Variants in ARHGEF7 observed in about 807,000 individuals in gnomAD.
ARHGEF7 encodes the protein Rho guanine nucleotide exchange factor 7.
A neutral mutation model predicts 109.8 loss-of-function variants in ARHGEF7; 33 were observed. The ratio of observed to expected loss-of-function variants is 0.30; its 90% CI spans 0.23 to 0.40. ARHGEF7 has a LOEUF of 0.40. Among genes scored for constraint, ARHGEF7 ranks in the 10% least tolerant of loss-of-function variants. The pLI, the probability that ARHGEF7 is intolerant of heterozygous loss-of-function variation, is 1.00. For synonymous variants in ARHGEF7, 458 were observed against 424.6 expected, an observed-to-expected ratio of 1.08 and a Z score of -0.97; for missense variants, 938 against 1,098.5, an observed-to-expected ratio of 0.85 and a Z score of 2.07.
intron 1 of ARHGEF7, among the ~76,000 whole-genome samples, chr13:111,135,916 G>A (rs938413734): frequency 8.5e-5 from 13 of 152,258 alleles, no homozygotes; most frequent in Admixed American, 3.9e-4. Context: ...CATTCAGTAT[G>A]ATATTGGCTG....
chr13:111,246,564 T>C (rs1004913793), intron 8 of ARHGEF7, among the ~76,000 whole-genome samples: 24 of 152,230 alleles, frequency 1.6e-4, no homozygotes, highest in African/African-American at 5.8e-4. Context: ...TTAGAAACCG[T>C]AAGTGAATAT....
chr13:111,124,552 G>C (rs1460724172), intron 1 of ARHGEF7, among the ~76,000 whole-genome samples: 1 of 152,168 alleles, frequency 6.6e-6, no homozygotes, highest in Non-Finnish European at 1.5e-5. Flanking sequence ...TGCAAGGATG[G>C]CAAGAGGGGT....
chr13:111,236,173 C>T (rs566423004), intron 6 of ARHGEF7, among the ~76,000 whole-genome samples: 2 of 152,186 alleles, frequency 1.3e-5, no homozygotes, highest in Admixed American at 1.3e-4. Flanking sequence ...TCTGGGACTC[C>T]TGTGGTGCAA....
intron 8 of ARHGEF7, among the ~76,000 whole-genome samples, chr13:111,247,153 T>G (rs968504982): frequency 2.0e-5 from 3 of 152,244 alleles, no homozygotes; most frequent in African/African-American, 7.2e-5. Context: ...ATGAATATTC[T>G]GAAATTTTCA....
Position 111,220,644 on chromosome 13 carries a change from C to T in ARHGEF7, c.670+2764C>T, listed in dbSNP as rs78556376. ...CCCCTGATAGCCCACAGGAAGGCAT[C>T]GTGAGCCCCCGCTTTTGAGTGGACT... On this transcript the variant is annotated intron_variant, in intron 5 of 21. Coordinates refer to ENST00000646102, the MANE Select transcript of ARHGEF7 (RefSeq NM_001354046.2). Among the ~76,000 whole-genome samples, 408 of 152,238 alleles carry T rather than the reference C, an allele frequency of 2.7e-3. 1 individual carries two copies. The highest frequency in any genetic ancestry group is 9.3e-3 in the African/African-American group (387 of 41,528).
At chr13:111,165,830 A>G (rs746976334) in intron 2 of ARHGEF7, among the ~76,000 whole-genome samples, 6 of 152,206 alleles carry the variant, frequency 3.9e-5, no homozygotes, top group Non-Finnish European at 8.8e-5. Flanking sequence ...GTAAGTTCTC[A>G]TGAGACTCAA....
chr13:111,231,417 A>T (rs1364229677), intron 5 of ARHGEF7, among the ~76,000 whole-genome samples: 1 of 150,110 alleles, frequency 6.7e-6, no homozygotes, highest in Non-Finnish European at 1.5e-5. Flanking sequence ...TTGCAGCGGC[A>T]CCTTATTTTG....
chr13:111,287,038 C>G (rs2093048210), intron 17 of ARHGEF7, among the ~76,000 whole-genome samples: 1 of 152,238 alleles, frequency 6.6e-6, no homozygotes, highest in Non-Finnish European at 1.5e-5. Flanking sequence ...GGCCCAGCAG[C>G]CGTCCCACAC....
intron 2 of ARHGEF7, among the ~76,000 whole-genome samples, chr13:111,175,534 G>A: frequency 6.6e-6 from 1 of 152,196 alleles, no homozygotes. Flanking sequence ...CCTGCTGCAG[G>A]CTGGAGCCTG....
At chr13:111,267,273 C>T (rs1484083897) in intron 8 of ARHGEF7, among the ~76,000 whole-genome samples, 1 of 152,228 alleles carries the variant, frequency 6.6e-6, no homozygotes, top group Non-Finnish European at 1.5e-5. Flanking sequence ...CTGTTTTTCT[C>T]ACTGCCCAAA....
chr13:111,133,797 AT>A (rs1566606879), intron 1 of ARHGEF7, among the ~76,000 whole-genome samples: 3,340 of 40,256 alleles, frequency 0.083, 384 homozygotes, highest in African/African-American at 0.15. Flanking sequence ...ATATATATAT[AT>A]ATATATATAT....
chr13:111,126,476 C>T (rs559158935), intron 1 of ARHGEF7, among the ~76,000 whole-genome samples: 16 of 146,348 alleles, frequency 1.1e-4, no homozygotes, highest in African/African-American at 2.8e-4. Context: ...GGCAGCTGAG[C>T]GAGACTCCAT....
intron 2 of ARHGEF7, among the ~76,000 whole-genome samples, chr13:111,198,010 C>T (rs1361958529): frequency 6.6e-6 from 1 of 152,066 alleles, no homozygotes; most frequent in African/African-American, 2.4e-5. Context: ...ACAGGGTCAA[C>T]CAGCTTGTTG....
chr13:111,277,641 G>A lies in ARHGEF7; in HGVS notation c.1474G>A (p.Ala492Thr), dbSNP rs1381651615. Residue 492 changes from alanine to threonine, a missense_variant, in exon 13 of 22, where the codon GCC becomes ACC. Ala to Thr is a moderately conservative substitution (Grantham distance 58). Transcript: ENST00000646102. ...CCCAAATGTTTTGCTAATGTTGTCTGCCAGTCCTAGGATGAGTGGCTTTAT... is the reference window on the plus strand; with the variant it reads ...CCCAAATGTTTTGCTAATGTTGTCTACCAGTCCTAGGATGAGTGGCTTTAT... ...LFPNVLLMLS[A>T]SPRMSGFIYQ... 7 of 1,606,508 alleles carry A rather than the reference G, an allele frequency of 4.4e-6. No individual in the cohort carries two copies. The East Asian group carries it at 1.6e-4, about 36-fold the overall frequency.
Position 111,273,665 on chromosome 13 carries a change from C to A in ARHGEF7, c.1074-149C>A. ...CCCTTTGGCATTTCCAGATAAGCAG[C>A]GCAGATTTGGGATAAAAGCTGGAGC... On this transcript the variant is annotated intron_variant, in intron 9 of 21. Coordinates refer to ENST00000646102, the MANE Select transcript of ARHGEF7 (RefSeq NM_001354046.2). The surrounding 1 kb of genome is among the most constrained non-coding windows in gnomAD (Gnocchi z 4.5). 1 of 1,080,756 alleles carries A rather than the reference C, an allele frequency of 9.3e-7. No individual in the cohort carries two copies. The highest frequency in any genetic ancestry group is 1.3e-6 in the Non-Finnish European group (1 of 749,334). The allele number at this position is 1,080,756 out of a possible 1,614,324, so 66.9% of individuals were successfully genotyped here.
At chr13:111,261,275 A>G (rs2091063248) in intron 8 of ARHGEF7, among the ~76,000 whole-genome samples, 1 of 152,224 alleles carries the variant, frequency 6.6e-6, no homozygotes, top group East Asian at 1.9e-4. Context: ...AAGGAATGGA[A>G]AAAGATACTC....
intron 2 of ARHGEF7, among the ~76,000 whole-genome samples, chr13:111,182,942 A>G (rs1350158119): frequency 6.6e-6 from 1 of 152,178 alleles, no homozygotes; most frequent in African/African-American, 2.4e-5. Flanking sequence ...GTGTGAGATG[A>G]TTTTGCCCAA....
chr13:111,217,602 A>G (rs376373165), intron 4 of ARHGEF7, 77 bp from the exon 5 acceptor site: 2 of 1,330,916 alleles, frequency 1.5e-6, no homozygotes, highest in South Asian at 1.2e-5. Context: ...CCTTTGTACT[A>G]GTAAAGTATA....
chr13:111,229,360 T>C (rs2085696903), intron 5 of ARHGEF7, among the ~76,000 whole-genome samples: 1 of 152,252 alleles, frequency 6.6e-6, no homozygotes, highest in Non-Finnish European at 1.5e-5. Context: ...TTCCTCTGCC[T>C]GTCAGTTCAT....
Sources: allele counts gnomAD v4.1 joint callset (sites outside exome capture counted in the v4.1 genomes callset), GRCh38; gene constraint gnomAD v4.1.1; non-coding constraint Gnocchi (gnomAD v3.1); transcripts MANE v1.5; gene names NCBI Gene and HGNC (gene_info 2026-07-23, HGNC 2026-07-21).